Variants in RTN4R observed in about 807,000 individuals in gnomAD.
RTN4R encodes reticulon-4 receptor.
A neutral mutation model predicts 27.7 loss-of-function variants in RTN4R; 4 were observed. The observed-to-expected ratio is 0.14, with a 90% CI of 0.07 to 0.33. RTN4R has a LOEUF of 0.33. Among genes scored for constraint, RTN4R ranks in the 10% least tolerant of loss-of-function variants. The pLI, the probability that RTN4R is intolerant of heterozygous loss-of-function variation, is 1.00. For missense variants in RTN4R, 554 were observed against 671.5 expected (o/e 0.83, Z 1.93); for synonymous variants, 290 against 305.6 (o/e 0.95, Z 0.53).
chr22:20,267,855 C>T (rs1857951672), intron 1 of RTN4R, among the ~76,000 whole-genome samples: 1 of 152,122 alleles, frequency 6.6e-6, no homozygotes, highest in Non-Finnish European at 1.5e-5. Flanking sequence ...TCCCGGGAAG[C>T]GGCAACTTTT....
Position 20,242,662 on chromosome 22 carries a change from C to G in RTN4R, c.471G>C (p.Gln157His). ...GCGCGTTGTCCTGCAGGTAGAGGTA[C>G]TGCAGGGCAGCCAGGCCGCGGAACA... ...PGLFRGLAALQYLYLQDNALQ... is the reference protein window; with the variant it reads ...PGLFRGLAALHYLYLQDNALQ... The change falls in exon 2 of 2, where the codon CAG (glutamine) becomes CAC (histidine). Residue 157 changes from glutamine (Q) to histidine (H), a missense_variant. By Grantham distance (24) the Gln-to-His change is conservative. Transcript: ENST00000043402. 1 of 1,612,548 alleles carries G rather than the reference C, an allele frequency of 6.2e-7. No individual in the cohort carries two copies. The highest frequency in any genetic ancestry group is 8.5e-7 in the Non-Finnish European group (1 of 1,179,784).
At chr22:20,256,530 T>A (rs1602647620) in intron 1 of RTN4R, among the ~76,000 whole-genome samples, 1 of 152,030 alleles carries the variant, frequency 6.6e-6, no homozygotes, top group South Asian at 2.1e-4. Flanking sequence ...CTTTTCTTCC[T>A]CCCCCAGCCT....
chr22:20,267,979 C>A (rs2145989107), intron 1 of RTN4R, 92 bp downstream of exon 1: 1 of 731,280 alleles, frequency 1.4e-6, no homozygotes, highest in South Asian at 6.1e-5. Flanking sequence ...CCTCGGCAGC[C>A]CGGGACGGGC....
chr22:20,247,383 G>A (rs574757568), intron 1 of RTN4R, among the ~76,000 whole-genome samples: 5 of 151,938 alleles, frequency 3.3e-5, no homozygotes, highest in South Asian at 2.1e-4. Context: ...CGGGGGTGGC[G>A]GGCCTATGTC....
intron 1 of RTN4R, among the ~76,000 whole-genome samples, chr22:20,247,181 G>A (rs891362554): frequency 1.3e-5 from 2 of 152,148 alleles, no homozygotes; most frequent in South Asian, 2.1e-4. Context: ...TGCTTCCCAG[G>A]GCTGGGGTAA....
chr22:20,257,861 C>T (rs1293102738), intron 1 of RTN4R, among the ~76,000 whole-genome samples: 1 of 152,152 alleles, frequency 6.6e-6, no homozygotes, highest in African/African-American at 2.4e-5. Context: ...CCCCAGGGTC[C>T]CTGCCCAACG....
At position 20,255,987 on chromosome 22, in the gene RTN4R, T is replaced by G. The variant is rs1297773542; in HGVS notation, c.22+12084A>C. On this transcript the variant is annotated intron_variant, in intron 1 of 1. Coordinates refer to ENST00000043402, the MANE Select transcript of RTN4R (RefSeq NM_023004.6). The surrounding 1 kb of genome is among the most constrained non-coding windows in gnomAD (Gnocchi z 4.8). ...GTGATAAATTATTCCTATATGATTG[T>G]GTGTGATAACTCTTCCTTATTTGAA... 6.6e-6 allele frequency among the ~76,000 whole-genome samples: 1 copy of G among 152,258 alleles called. No homozygotes were observed. Among genetic ancestry groups the G allele is most frequent in the Non-Finnish European group, 1.5e-5 (1 of 68,050 alleles).
At position 20,242,193 on chromosome 22, in the gene RTN4R, C is replaced by T. The variant is rs112151786; in HGVS notation, c.940G>A (p.Gly314Ser). ...NDLQGCAVAT[G>S]PYHPIWTGRA... is the part of the protein sequence containing the mutation. ...CCGGTCCAGATGGGATGGTAAGGGC[C>T]GGTGGCCACAGCGCAGCCCTGCAGG... is the stretch of plus-strand genomic sequence containing the variant. The change falls in exon 2 of 2, where the codon GGC becomes AGC. Residue 314 changes from glycine (G) to serine (S), a missense_variant. Gly to Ser is a moderately conservative substitution (Grantham distance 56, BLOSUM62 0). This residue lies in a region of RTN4R where 413 missense variants were observed against 542.3 expected (regional missense o/e 0.76). Coordinates refer to ENST00000043402, the MANE Select transcript of RTN4R (RefSeq NM_023004.6). 6.6e-5 allele frequency: 107 copies of T among 1,610,388 alleles called. No individual in the cohort carries two copies. The African/African-American group carries it at 9.7e-4, about 15-fold the overall frequency.
At chr22:20,259,073 G>C (rs907300715) in intron 1 of RTN4R, among the ~76,000 whole-genome samples, 8 of 152,130 alleles carry the variant, frequency 5.3e-5, no homozygotes, top group African/African-American at 1.9e-4. Context: ...GGAGTCCCTG[G>C]CTATGACAGA....
At chr22:20,264,580 G>A (rs701419) in intron 1 of RTN4R, among the ~76,000 whole-genome samples, 3 of 152,228 alleles carry the variant, frequency 2.0e-5, no homozygotes, top group Non-Finnish European at 4.4e-5. Context: ...GTGAATGAAT[G>A]AACAAATGAG....
chr22:20,241,479 T>C lies in RTN4R; in HGVS notation c.*232A>G. The C allele has an allele frequency of 1.7e-6, 1 of 583,996 alleles. No homozygotes were observed. Among genetic ancestry groups the C allele is most frequent in the South Asian group, 2.1e-5 (1 of 47,770 alleles). The allele number at this position is 583,996 out of a possible 1,614,324, so 36.2% of individuals were successfully genotyped here. On this transcript the variant is annotated 3_prime_UTR_variant, in exon 2 of 2. Coordinates refer to ENST00000043402, the MANE Select transcript of RTN4R (RefSeq NM_023004.6). ...TTACACAAGTAAAATAAAATGCATA[T>C]CTCTATATACCGCGATCTGGGTGGG...
intron 1 of RTN4R, among the ~76,000 whole-genome samples, chr22:20,248,838 C>T (rs2145975982): frequency 6.6e-6 from 1 of 152,278 alleles, no homozygotes. Context: ...GGATCCTTGG[C>T]CTAGCACCTA....
intron 1 of RTN4R, chr22:20,243,649 C>T (rs1569034585): frequency 2.4e-6 from 1 of 414,170 alleles, no homozygotes; most frequent in South Asian, 1.8e-5. Flanking sequence ...AGTCGCGTCC[C>T]ACAACCACCC....
At chr22:20,250,417 A>T (rs1188704057) in intron 1 of RTN4R, among the ~76,000 whole-genome samples, 2 of 152,188 alleles carry the variant, frequency 1.3e-5, no homozygotes, top group Admixed American at 6.5e-5. Context: ...CATTCACACA[A>T]ACAGTTTGCC....
chr22:20,251,858 CCATCCT>C (rs2051181636), intron 1 of RTN4R, among the ~76,000 whole-genome samples: 1 of 15,236 alleles, frequency 6.6e-5, no homozygotes, highest in Non-Finnish European at 1.3e-4. Context: ...ATCACCCTCA[CCATCCT>C]CATCACCATC....
At chr22:20,249,958 C>G (rs1468847258) in intron 1 of RTN4R, among the ~76,000 whole-genome samples, 1 of 152,214 alleles carries the variant, frequency 6.6e-6, no homozygotes, top group Non-Finnish European at 1.5e-5. Flanking sequence ...CAGGGACTGC[C>G]CAGCCCTTCA....
At chr22:20,244,423 C>T (rs1023526581) in intron 1 of RTN4R, among the ~76,000 whole-genome samples, 30 of 152,230 alleles carry the variant, frequency 2.0e-4, no homozygotes, top group African/African-American at 7.0e-4. Flanking sequence ...GCGCAGTGAC[C>T]GCTGGGCATG....
chr22:20,264,291 G>A (rs1302439802), intron 1 of RTN4R, among the ~76,000 whole-genome samples: 1 of 152,248 alleles, frequency 6.6e-6, no homozygotes, highest in African/African-American at 2.4e-5. Flanking sequence ...TGATGCACAA[G>A]AATAGTTCCC....
chr22:20,265,559 T>G (rs190170632), intron 1 of RTN4R, among the ~76,000 whole-genome samples: 1 of 152,152 alleles, frequency 6.6e-6, no homozygotes, highest in African/African-American at 2.4e-5. Context: ...GCTCAGGGGT[T>G]CCACAGACCC....
Sources: allele counts gnomAD v4.1 joint callset (sites outside exome capture counted in the v4.1 genomes callset), GRCh38; gene constraint gnomAD v4.1.1; regional missense constraint gnomAD v4.1.1; non-coding constraint Gnocchi (gnomAD v3.1); transcripts MANE v1.5; gene names NCBI Gene and HGNC (gene_info 2026-07-23, HGNC 2026-07-21).